The following PIK3CB variants were observed in gnomAD, a reference collection of about 807,000 sequenced individuals.
The protein encoded by PIK3CB is phosphatidylinositol 4,5-bisphosphate 3-kinase catalytic subunit beta isoform.
In PIK3CB, 39 loss-of-function variants were observed where a neutral mutation model predicts 136.8. That is an observed-to-expected ratio of 0.29 (90% CI 0.22 to 0.37). PIK3CB has a LOEUF of 0.37. PIK3CB is among the 10% of genes least tolerant of loss of function. The pLI is 1.00. For missense variants in PIK3CB, 868 were observed against 1,275.4 expected (o/e 0.68, Z 4.87); for synonymous variants, 428 against 436.6 (o/e 0.98, Z 0.25).
intron 1 of PIK3CB, among the ~76,000 whole-genome samples, chr3:138,811,360 AT>A (rs1252946989): frequency 2.0e-5 from 3 of 151,774 alleles, no homozygotes; most frequent in African/African-American, 7.3e-5. Context: ...TATAAACTAT[AT>A]ATTAGGTAAC....
intron 2 of PIK3CB, chr3:138,778,611 G>T: frequency 1.4e-5 from 3 of 210,834 alleles, no homozygotes; most frequent in East Asian, 3.2e-4. Context: ...AAGCAGGCGT[G>T]GGAGGACCCC....
At chr3:138,773,333 G>C (rs1294290859) in intron 2 of PIK3CB, among the ~76,000 whole-genome samples, 1 of 152,052 alleles carries the variant, frequency 6.6e-6, no homozygotes, top group African/African-American at 2.4e-5. Context: ...AGAGGTTGCA[G>C]TGAGTTGAGA....
chr3:138,825,338 GC>G, intron 1 of PIK3CB: 1 of 514,168 alleles, frequency 1.9e-6, no homozygotes, highest in Non-Finnish European at 3.5e-6. Flanking sequence ...CCAAAAATGG[GC>G]AGACCTGTCA....
intron 14 of PIK3CB, among the ~76,000 whole-genome samples, chr3:138,694,354 C>T (rs1242439779): frequency 3.3e-5 from 5 of 152,112 alleles, no homozygotes; most frequent in African/African-American, 1.2e-4. Flanking sequence ...CTTGTATTAT[C>T]ACAACTCACT....
intron 18 of PIK3CB, among the ~76,000 whole-genome samples, 180 bp downstream of exon 18, chr3:138,683,498 A>AT (rs1395060581): frequency 6.6e-6 from 1 of 152,088 alleles, no homozygotes; most frequent in Non-Finnish European, 1.5e-5. Flanking sequence ...AAATCATTTT[A>AT]TAAGAGGGGG....
At chr3:138,750,532 G>T (rs1331764874) in intron 4 of PIK3CB, among the ~76,000 whole-genome samples, 1 of 152,256 alleles carries the variant, frequency 6.6e-6, no homozygotes, top group South Asian at 2.1e-4. Flanking sequence ...GACAGGAGGC[G>T]AAGTTCAGGT....
chr3:138,781,855 G>A (rs887256803), intron 2 of PIK3CB, among the ~76,000 whole-genome samples: 4 of 152,154 alleles, frequency 2.6e-5, no homozygotes, highest in Non-Finnish European at 4.4e-5. Flanking sequence ...CCAGGCAGTC[G>A]AGGCTACAGA....
chr3:138,706,653 C>CTT (rs776940526), intron 11 of PIK3CB, among the ~76,000 whole-genome samples: 27 of 152,184 alleles, frequency 1.8e-4, no homozygotes, highest in Admixed American at 4.6e-4. Context: ...CCAGAGATGC[C>CTT]TTTTCTCTCT....
intron 2 of PIK3CB, among the ~76,000 whole-genome samples, chr3:138,763,554 G>A (rs2045690657): frequency 6.6e-6 from 1 of 152,086 alleles, no homozygotes. Context: ...TTTTTGTCAA[G>A]AATCTCAGAA....
intron 10 of PIK3CB, chr3:138,707,702 G>T: frequency 4.5e-6 from 1 of 224,588 alleles, no homozygotes; most frequent in Non-Finnish European, 7.5e-6. Flanking sequence ...GGTATTTTAA[G>T]TCATCAATGA....
intron 2 of PIK3CB, among the ~76,000 whole-genome samples, chr3:138,765,675 T>C (rs2045723773): frequency 8.7e-6 from 1 of 115,484 alleles, no homozygotes; most frequent in African/African-American, 2.8e-5. Flanking sequence ...AAACCCCCTC[T>C]CTTCAAAAAA....
chr3:138,707,851 T>C (rs952093600), intron 10 of PIK3CB, among the ~76,000 whole-genome samples: 1 of 152,220 alleles, frequency 6.6e-6, no homozygotes, highest in African/African-American at 2.4e-5. Context: ...TTCTTCAAGG[T>C]ACTCCTTCCT....
chr3:138,700,672 A>C (rs754258070), intron 12 of PIK3CB, among the ~76,000 whole-genome samples: 1 of 151,518 alleles, frequency 6.6e-6, no homozygotes, highest in Non-Finnish European at 1.5e-5. Context: ...CGGGCAACAG[A>C]GCAAGACCCT....
At chr3:138,832,900 C>T (rs1202551802) in intron 1 of PIK3CB, among the ~76,000 whole-genome samples, 6 of 148,400 alleles carry the variant, frequency 4.0e-5, no homozygotes, top group Non-Finnish European at 8.9e-5. Context: ...TAGTCTCAGC[C>T]ACTAGGGAGC....
At chr3:138,666,879 A>T (rs1022829864) in intron 19 of PIK3CB, among the ~76,000 whole-genome samples, 7 of 152,158 alleles carry the variant, frequency 4.6e-5, no homozygotes, top group Non-Finnish European at 8.8e-5. Flanking sequence ...TATAAGGAAG[A>T]AGTGCCAGGA....
chr3:138,669,149 C>T (rs992878324), intron 19 of PIK3CB, among the ~76,000 whole-genome samples: 14 of 152,096 alleles, frequency 9.2e-5, no homozygotes, highest in East Asian at 7.7e-4. Flanking sequence ...CGGTGGCTCA[C>T]GCCTGTAATC....
intron 11 of PIK3CB, 151 bp from the exon 12 acceptor site, chr3:138,704,644 C>A: frequency 1.6e-6 from 1 of 642,022 alleles, no homozygotes; most frequent in Admixed American, 2.5e-5. Context: ...AATGATGCTT[C>A]TCAAGTGCTT....
chr3:138,735,537 C>G lies in PIK3CB; in HGVS notation c.802-733G>C, dbSNP rs1046770794. Among the ~76,000 whole-genome samples, 18 of 152,272 alleles carry G rather than the reference C, an allele frequency of 1.2e-4. 1 individual carries two copies. Among genetic ancestry groups the G allele is most frequent in the Admixed American group, 1.2e-3 (18 of 15,294 alleles). On this transcript the variant is annotated intron_variant, in intron 6 of 23. Transcript: ENST00000674063. ...TTCGCATGTGGCAGATTCACACTTT[C>G]TATGGATCCCTGAGATGGCCCCTTT...
chr3:138,815,388 A>G (rs1252058514), intron 1 of PIK3CB, among the ~76,000 whole-genome samples: 1 of 136,372 alleles, frequency 7.3e-6, no homozygotes, highest in Non-Finnish European at 1.6e-5. Flanking sequence ...AGTCAAAACC[A>G]TAACAAAAGA....
Sources: allele counts gnomAD v4.1 joint callset (sites outside exome capture counted in the v4.1 genomes callset), GRCh38; gene constraint gnomAD v4.1.1; transcripts MANE v1.5; gene names NCBI Gene and HGNC (gene_info 2026-07-23, HGNC 2026-07-21).